ATF6: variants seen among roughly 807,000 people sequenced by gnomAD.
ATF6 encodes cyclic AMP-dependent transcription factor ATF-6 alpha.
Under a neutral mutation model 83.6 loss-of-function variants are expected in ATF6, and 53 were observed. The observed-to-expected ratio is 0.63, with a 90% confidence interval of 0.51 to 0.80. The LOEUF is 0.80. Among genes scored for constraint, ATF6 ranks in the 30% least tolerant of loss-of-function variants. The probability of loss-of-function intolerance (pLI) is 0.00; values close to 1 mark genes in which losing one functional copy is unlikely to be tolerated. For missense variants in ATF6, 744 were observed against 797.9 expected, an observed-to-expected ratio of 0.93 and a Z score of 0.81; for synonymous variants, 288 against 285.8, an observed-to-expected ratio of 1.01 and a Z score of -0.08.
intron 15 of ATF6, among the ~76,000 whole-genome samples, chr1:161,933,433 TTAGAA>T (rs1466144475): frequency 6.6e-6 from 1 of 152,206 alleles, no homozygotes; most frequent in Non-Finnish European, 1.5e-5. Flanking sequence ...TAAGACACAA[TTAGAA>T]TAGAAAATTT....
At chr1:161,879,742 TC>T (rs2101856611) in intron 14 of ATF6, among the ~76,000 whole-genome samples, 1 of 152,246 alleles carries the variant, frequency 6.6e-6, no homozygotes, top group Admixed American at 6.5e-5. Flanking sequence ...GCTGACATCA[TC>T]AGGCATCTTT....
chr1:161,772,369 A>C (rs1444834839), intron 1 of ATF6, among the ~76,000 whole-genome samples: 1 of 152,226 alleles, frequency 6.6e-6, no homozygotes, highest in Non-Finnish European at 1.5e-5. Flanking sequence ...TTGCCAGACC[A>C]ATCATATTTC....
At chr1:161,889,371 CCTCTG>C (rs1687501677) in intron 14 of ATF6, among the ~76,000 whole-genome samples, 1 of 152,214 alleles carries the variant, frequency 6.6e-6, no homozygotes, top group South Asian at 2.1e-4. Flanking sequence ...TCAACTTCTC[CCTCTG>C]CTGTCGCTTC....
intron 7 of ATF6, among the ~76,000 whole-genome samples, chr1:161,809,914 T>C (rs1360343683): frequency 6.6e-6 from 1 of 152,218 alleles, no homozygotes; most frequent in Non-Finnish European, 1.5e-5. Flanking sequence ...TTTGAGTTCT[T>C]TGTAGATTCT....
At chr1:161,944,082 T>C (rs1476820255) in intron 15 of ATF6, among the ~76,000 whole-genome samples, 1 of 152,208 alleles carries the variant, frequency 6.6e-6, no homozygotes, top group Non-Finnish European at 1.5e-5. Flanking sequence ...CAAAATGATA[T>C]GGTATAGCAG....
At chr1:161,882,709 CTT>C (rs111270591) in intron 14 of ATF6, among the ~76,000 whole-genome samples, 8 of 143,292 alleles carry the variant, frequency 5.6e-5, no homozygotes, top group South Asian at 2.2e-4. Flanking sequence ...GTCGATACAG[CTT>C]TTTTTTTTTT....
At chr1:161,854,604 G>A (rs531062470) in intron 12 of ATF6, among the ~76,000 whole-genome samples, 27 of 152,352 alleles carry the variant, frequency 1.8e-4, no homozygotes, top group Non-Finnish European at 3.4e-4. Context: ...GGGCGTGGTG[G>A]CTCACGCCTG....
chr1:161,939,166 G>A (rs1028337407), intron 15 of ATF6, among the ~76,000 whole-genome samples: 3 of 152,006 alleles, frequency 2.0e-5, no homozygotes, highest in Non-Finnish European at 2.9e-5. Flanking sequence ...CTTTATTTAC[G>A]TGATTTCACT....
chr1:161,923,735 T>G (rs998970498), intron 15 of ATF6, among the ~76,000 whole-genome samples: 2 of 152,214 alleles, frequency 1.3e-5, no homozygotes, highest in African/African-American at 4.8e-5. Context: ...GAGGTTTAGA[T>G]TCAATCAGCT....
intron 9 of ATF6, among the ~76,000 whole-genome samples, chr1:161,828,171 A>G (rs1685952319): frequency 6.6e-6 from 1 of 152,008 alleles, no homozygotes; most frequent in Non-Finnish European, 1.5e-5. Flanking sequence ...TATGCTGTAA[A>G]GTGTTACTTT....
chr1:161,856,149 A>G (rs1557997833), intron 12 of ATF6, among the ~76,000 whole-genome samples: 2 of 152,252 alleles, frequency 1.3e-5, no homozygotes, highest in South Asian at 2.1e-4. Flanking sequence ...CATTAAAAGG[A>G]TAACAAGAAA....
intron 1 of ATF6, among the ~76,000 whole-genome samples, chr1:161,772,216 T>C (rs1684403031): frequency 6.6e-6 from 1 of 152,166 alleles, no homozygotes; most frequent in African/African-American, 2.4e-5. Context: ...CCTTTCATAT[T>C]CATGTCTGTC....
chr1:161,844,228 T>C (rs1053096545), intron 9 of ATF6, among the ~76,000 whole-genome samples: 2 of 152,172 alleles, frequency 1.3e-5, no homozygotes, highest in African/African-American at 2.4e-5. Flanking sequence ...GAGAAGCATG[T>C]TTATAGGACA....
rs997074817 is a variant in ATF6, at chr1:161,843,331, G to A, written c.1188-3118G>A. 9.2e-5 allele frequency among the ~76,000 whole-genome samples: 14 copies of A among 152,112 alleles called. No individual in the cohort carries two copies. In the East Asian group the frequency reaches 2.7e-3, roughly 29 times the overall value. ...GTGTTATCACAAAATGACATTGCAT[G>A]AACCAGCATTGTTTGAAGACTTGCT... On this transcript the variant is annotated intron_variant, in intron 9 of 15. Coordinates refer to ENST00000367942, the MANE Select transcript of ATF6 (RefSeq NM_007348.4).
intron 14 of ATF6, among the ~76,000 whole-genome samples, chr1:161,902,278 G>C (rs1406642800): frequency 6.6e-6 from 1 of 152,142 alleles, no homozygotes; most frequent in Non-Finnish European, 1.5e-5. Flanking sequence ...TAGCCATTAT[G>C]CTTCAGTAGG....
intron 15 of ATF6, among the ~76,000 whole-genome samples, chr1:161,916,480 A>G (rs1688103824): frequency 6.6e-6 from 1 of 152,230 alleles, no homozygotes. Flanking sequence ...TACATCTGCT[A>G]TAGAAAGGAC....
At chr1:161,909,736 C>A (rs186884430) in intron 14 of ATF6, among the ~76,000 whole-genome samples, 10 of 152,090 alleles carry the variant, frequency 6.6e-5, no homozygotes, top group African/African-American at 2.4e-4. Context: ...GCGGGCAGAT[C>A]ACGAGGTCAG....
At chr1:161,837,978 CAA>C (rs1373766069) in intron 9 of ATF6, among the ~76,000 whole-genome samples, 1 of 152,182 alleles carries the variant, frequency 6.6e-6, no homozygotes, top group African/African-American at 2.4e-5. Context: ...ATCAGAATCA[CAA>C]TCTGCCTCTG....
At chr1:161,807,115 A>G (rs1685302803) in intron 7 of ATF6, among the ~76,000 whole-genome samples, 1 of 152,110 alleles carries the variant, frequency 6.6e-6, no homozygotes, top group Admixed American at 6.6e-5. Context: ...ATGGCCTGGG[A>G]AAAGAGTGGT....
Sources: allele counts gnomAD v4.1 joint callset (sites outside exome capture counted in the v4.1 genomes callset), GRCh38; gene constraint gnomAD v4.1.1; transcripts MANE v1.5; gene names NCBI Gene and HGNC (gene_info 2026-07-23, HGNC 2026-07-21).